Variants in DYM observed in about 807,000 individuals in gnomAD.
DYM encodes dyggve-Melchior-Clausen syndrome protein.
A neutral mutation model predicts 93.1 loss-of-function variants in DYM; 78 were observed. The ratio of observed to expected loss-of-function variants is 0.84; its 90% CI spans 0.70 to 1.01. The LOEUF is 1.01. Among genes scored for constraint, DYM ranks in the 50% least tolerant of loss-of-function variants. The pLI is 0.00. For synonymous variants in DYM, 321 were observed against 319.7 expected, an observed-to-expected ratio of 1.00 and a Z score of -0.04; for missense variants, 789 against 845.0, an observed-to-expected ratio of 0.93 and a Z score of 0.82.
At chr18:49,251,579 T>C (rs1824191606) in intron 13 of DYM, among the ~76,000 whole-genome samples, 2 of 152,076 alleles carry the variant, frequency 1.3e-5, no homozygotes, top group South Asian at 2.1e-4. Context: ...CCTAGTGGGG[T>C]TGGTGCTCAG....
intron 6 of DYM, among the ~76,000 whole-genome samples, chr18:49,334,512 G>C (rs537018431): frequency 2.6e-5 from 4 of 152,164 alleles, no homozygotes; most frequent in Non-Finnish European, 5.9e-5. Flanking sequence ...TGAACAGAAA[G>C]CACACAGAGG....
At chr18:49,383,084 C>G (rs1292140068) in intron 3 of DYM, among the ~76,000 whole-genome samples, 1 of 152,054 alleles carries the variant, frequency 6.6e-6, no homozygotes, top group Non-Finnish European at 1.5e-5. Context: ...CACCCATTTT[C>G]TTCAATAAAT....
chr18:49,381,515 C>T (rs2068043493), intron 3 of DYM, among the ~76,000 whole-genome samples: 1 of 152,304 alleles, frequency 6.6e-6, no homozygotes, highest in East Asian at 1.9e-4. Flanking sequence ...TATCTGAGAG[C>T]TTGGTGGAAG....
At chr18:49,327,310 G>C (rs1042081444) in intron 8 of DYM, among the ~76,000 whole-genome samples, 1 of 151,870 alleles carries the variant, frequency 6.6e-6, no homozygotes, top group Non-Finnish European at 1.5e-5. Flanking sequence ...GGGTAGATGG[G>C]AGTTCATTCT....
At chr18:49,418,859 A>C (rs2073310160) in intron 2 of DYM, among the ~76,000 whole-genome samples, 1 of 152,080 alleles carries the variant, frequency 6.6e-6, no homozygotes, top group Admixed American at 6.5e-5. Context: ...GGAGCAGGGC[A>C]GTGCCAAAGA....
At position 49,250,060 on chromosome 18, in the gene DYM, C is replaced by T. The variant is rs1267180938; in HGVS notation, c.1460+6950G>A. Among the ~76,000 whole-genome samples, 5 of 152,214 alleles carry T rather than the reference C, an allele frequency of 3.3e-5. No individual in the cohort carries two copies. The East Asian group carries it at 5.8e-4, about 18-fold the overall frequency. On this transcript the variant is annotated intron_variant, in intron 13 of 17. Coordinates refer to ENST00000675505, the MANE Select transcript of DYM (RefSeq NM_001353214.3). ...GATCATCAACTTCACTAGTTTCAAGCGGCAGCAGACATCTGCAAAATATAG... is the reference window on the plus strand; with the variant it reads ...GATCATCAACTTCACTAGTTTCAAGTGGCAGCAGACATCTGCAAAATATAG...
intron 15 of DYM, among the ~76,000 whole-genome samples, chr18:49,160,109 TACAA>T (rs2086917739): frequency 6.6e-6 from 1 of 152,204 alleles, no homozygotes; most frequent in Admixed American, 6.6e-5. Context: ...ATCCTGATCA[TACAA>T]ACACCAAAGC....
chr18:49,254,182 C>A (rs2094343646), intron 13 of DYM, among the ~76,000 whole-genome samples: 1 of 151,548 alleles, frequency 6.6e-6, no homozygotes, highest in South Asian at 2.1e-4. Flanking sequence ...TTGGAACCAG[C>A]CATTCACCCC....
At position 49,040,320 on chromosome 18, in the gene DYM, T is replaced by C. The variant is rs1461558782; in HGVS notation, c.*3735A>G. 1.3e-5 allele frequency among the ~76,000 whole-genome samples: 2 copies of C among 152,224 alleles called. No individual in the cohort carries two copies. Among genetic ancestry groups the C allele is most frequent in the Non-Finnish European group, 2.9e-5 (2 of 68,044 alleles). On this transcript the variant is annotated 3_prime_UTR_variant, in exon 18 of 18. Transcript: ENST00000675505. ...CTGAGTAGCTGACATTTAGACAGCC[T>C]TGTGAAGTTAGATTAGGGGTTGAGT...
intron 14 of DYM, among the ~76,000 whole-genome samples, chr18:49,172,524 G>C (rs2088880823): frequency 6.6e-6 from 1 of 152,160 alleles, no homozygotes; most frequent in Non-Finnish European, 1.5e-5. Flanking sequence ...TTTTCCAAAT[G>C]AGTTTTCTAG....
chr18:49,052,836 G>A (rs886971754), intron 17 of DYM, among the ~76,000 whole-genome samples: 9 of 152,212 alleles, frequency 5.9e-5, no homozygotes, highest in Non-Finnish European at 1.3e-4. Context: ...TGCCTGGGAA[G>A]GATCGGGGGC....
Position 49,237,306 on chromosome 18 carries a change from C to T in DYM, c.1460+19704G>A, listed in dbSNP as rs77121125. On this transcript the variant is annotated intron_variant, in intron 13 of 17. Transcript: ENST00000675505. The stretch of plus-strand genomic sequence containing the variant: ...GCATTTATATAAACAACTTAAATGT[C>T]GTAATATATGGCATTAGCAATATTC... 4.2e-3 allele frequency among the ~76,000 whole-genome samples: 646 copies of T among 152,104 alleles called. 3 individuals carry two copies. Among genetic ancestry groups the T allele is most frequent in the African/African-American group, 0.014 (586 of 41,516 alleles).
intron 16 of DYM, among the ~76,000 whole-genome samples, chr18:49,111,452 C>T (rs1238974334): frequency 2.6e-5 from 4 of 152,248 alleles, no homozygotes; most frequent in South Asian, 4.1e-4. Flanking sequence ...GAATGTTAGA[C>T]ATCATGTGTA....
intron 1 of DYM, among the ~76,000 whole-genome samples, chr18:49,434,464 G>C (rs907537288): frequency 6.6e-6 from 1 of 152,116 alleles, no homozygotes; most frequent in Non-Finnish European, 1.5e-5. Flanking sequence ...AGGTTGCAGT[G>C]AGCCAAGACT....
rs996416988 is a variant in DYM, at chr18:49,209,623, G to A, written c.1553C>T (p.Ser518Leu). ...SHCSTLQHCF[S>L]TLSDNGEELL... ...TTCCTCTCCATTGTCACTGAGGGTCGAGAAGCAATGCTGAAGCGTAGAACA... is the reference window on the plus strand; with the variant it reads ...TTCCTCTCCATTGTCACTGAGGGTCAAGAAGCAATGCTGAAGCGTAGAACA... Residue 518 changes from serine to leucine, a missense_variant, in exon 14 of 18, where the codon TCG becomes TTG. Coordinates refer to ENST00000675505, the MANE Select transcript of DYM (RefSeq NM_001353214.3). The A allele has an allele frequency of 2.9e-5, 38 of 1,289,586 alleles. No individual in the cohort carries two copies. Among genetic ancestry groups the A allele is most frequent in the East Asian group, 5.5e-5 (1 of 18,028 alleles). The allele number at this position is 1,289,586 out of a possible 1,614,324, so 79.9% of individuals were successfully genotyped here.
At chr18:49,365,536 T>G (rs1367836872) in intron 5 of DYM, among the ~76,000 whole-genome samples, 2 of 152,180 alleles carry the variant, frequency 1.3e-5, no homozygotes, top group Non-Finnish European at 2.9e-5. Flanking sequence ...GTTAACAACC[T>G]ACTCCAACAA....
chr18:49,095,374 A>G (rs528018623), intron 17 of DYM, among the ~76,000 whole-genome samples: 1 of 152,250 alleles, frequency 6.6e-6, no homozygotes, highest in South Asian at 2.1e-4. Context: ...CATTTAAACC[A>G]ACTAGGATGA....
At chr18:49,296,957 C>T (rs528092899) in intron 8 of DYM, among the ~76,000 whole-genome samples, 12 of 152,286 alleles carry the variant, frequency 7.9e-5, no homozygotes, top group East Asian at 3.9e-4. Flanking sequence ...CTCTTTTTCA[C>T]ATTCTATAAA....
intron 17 of DYM, among the ~76,000 whole-genome samples, chr18:49,045,411 A>G (rs761051176): frequency 3.3e-5 from 5 of 152,258 alleles, no homozygotes; most frequent in East Asian, 3.8e-4. Flanking sequence ...TTGAGGGCCA[A>G]CTATGTCCCA....
Sources: gnomAD v4.1 joint callset for allele counts (sites outside exome capture counted in the v4.1 genomes callset) on GRCh38, gnomAD v4.1.1 for gene constraint, MANE v1.5 for transcripts, NCBI Gene and HGNC (gene_info 2026-07-23, HGNC 2026-07-21) for gene names.